OXNAD1: variants seen among roughly 807,000 people sequenced by gnomAD.
The protein encoded by OXNAD1 is oxidoreductase NAD binding domain containing 1, also known as oxidoreductase NAD-binding domain-containing protein 1.
OXNAD1 carries 34 observed loss-of-function variants against 32.9 expected under a neutral mutation model. The observed-to-expected ratio is 1.03, with a 90% CI of 0.79 to 1.38. The LOEUF (loss-of-function observed/expected upper bound fraction) is 1.38. Ranked by LOEUF, OXNAD1 falls within the 40% of genes most tolerant of loss-of-function variation. OXNAD1 has a pLI of 0.00. For synonymous variants in OXNAD1, 134 were observed against 135.2 expected, an observed-to-expected ratio of 0.99 and a Z score of 0.06; for missense variants, 407 against 379.4, an observed-to-expected ratio of 1.07 and a Z score of -0.60.
intron 6 of OXNAD1, among the ~76,000 whole-genome samples, chr3:16,296,950 C>A (rs755985712): frequency 6.6e-6 from 1 of 152,024 alleles, no homozygotes; most frequent in Non-Finnish European, 1.5e-5. Context: ...TTCTTAAACA[C>A]AATACCAAAA....
At chr3:16,326,474 A>AT (rs1274816754) in intron 9 of OXNAD1, among the ~76,000 whole-genome samples, 4 of 152,212 alleles carry the variant, frequency 2.6e-5, no homozygotes, top group Non-Finnish European at 5.9e-5. Flanking sequence ...TAGGTGCTGA[A>AT]TTTCTTTTGC....
In OXNAD1 at chr3:16,320,347, C is replaced by T. The variant is rs889149166; in HGVS notation, c.*30+16755C>T. Among the ~76,000 whole-genome samples, 1 of 152,192 alleles carries T rather than the reference C, an allele frequency of 6.6e-6. No individual in the cohort carries two copies. The highest frequency in any genetic ancestry group is 2.4e-5 in the African/African-American group (1 of 41,436). ...GCTGATTAAAAGAAGACTAAATATG[C>T]CACATCCTCGGTGTGCCAATCTTGC... On this transcript the variant is annotated intron_variant, in intron 9 of 9. Transcript: ENST00000435829. The surrounding 1 kb of genome is among the most constrained non-coding windows in gnomAD (Gnocchi z 4.5).
intron 9 of OXNAD1, among the ~76,000 whole-genome samples, chr3:16,319,219 GCCTA>G (rs1414160412): frequency 6.6e-6 from 1 of 152,194 alleles, no homozygotes; most frequent in African/African-American, 2.4e-5. Flanking sequence ...GACCAGTGAA[GCCTA>G]CCTGTGTAGT....
rs1418822715 is a variant in OXNAD1 at position 16,316,778 on chromosome 3, A to G, written c.*30+13186A>G. 6.2e-7 allele frequency: 1 copy of G among 1,606,888 alleles called. No individual in the cohort carries two copies. Among genetic ancestry groups the G allele is most frequent in the East Asian group, 2.2e-5 (1 of 44,868 alleles). On this transcript the variant is annotated intron_variant, in intron 9 of 9. Coordinates refer to the OXNAD1 transcript ENST00000435829. The surrounding 1 kb of genome is among the most constrained non-coding windows in gnomAD (Gnocchi z 4.5). ...AGCCCCCAAACCAGCTGTTGGTAAG[A>G]TGCCTTGGGTTTGGCAACTCACCTA...
intron 4 of OXNAD1, among the ~76,000 whole-genome samples, chr3:16,282,841 T>TTTTC: frequency 6.7e-6 from 1 of 149,312 alleles, no homozygotes. Flanking sequence ...TTTTTTTTTT[T>TTTTC]TTCGGTGATT....
At chr3:16,283,478 G>A (rs1375100909) in intron 4 of OXNAD1, among the ~76,000 whole-genome samples, 1 of 152,006 alleles carries the variant, frequency 6.6e-6, no homozygotes, top group Non-Finnish European at 1.5e-5. Flanking sequence ...CTGTCTCTTG[G>A]GATATAATAT....
chr3:16,297,566 C>G lies in OXNAD1; in HGVS notation c.432+2569C>G, dbSNP rs777139795. 2.6e-5 allele frequency among the ~76,000 whole-genome samples: 4 copies of G among 152,118 alleles called. No individual in the cohort carries two copies. The highest frequency in any genetic ancestry group is 1.3e-4 in the Admixed American group (2 of 15,276). The stretch of plus-strand genomic sequence containing the variant: ...CATGAATATTTATAGCAGTTCTATT[C>G]ATAATTATTAAAAACTTCTAGAAAC... On this transcript the variant is annotated intron_variant, in intron 6 of 8. Transcript: ENST00000285083. This position sits in a 1 kb window ranked among gnomAD's most constrained non-coding sequence, Gnocchi z 4.3.
chr3:16,266,602 C>CAAAAAAAAA (rs77883979), intron 1 of OXNAD1, among the ~76,000 whole-genome samples: 1 of 73,082 alleles, frequency 1.4e-5, no homozygotes, highest in Non-Finnish European at 2.5e-5. Context: ...GACGCTGTCT[C>CAAAAAAAAA]AAAAAAAAAA....
chr3:16,286,085 G>C (rs189495758), intron 4 of OXNAD1, among the ~76,000 whole-genome samples: 4 of 152,174 alleles, frequency 2.6e-5, no homozygotes, highest in African/African-American at 9.7e-5. Context: ...CCGGTTAAAA[G>C]ATCCCTTGAA....
intron 5 of OXNAD1, among the ~76,000 whole-genome samples, chr3:16,293,040 C>T (rs6783567): frequency 0.044 from 6,627 of 152,218 alleles, 445 homozygotes; most frequent in African/African-American, 0.15. Context: ...TTATGATCAA[C>T]TTGTCAATTT....
chr3:16,283,584 C>T (rs112262871), intron 4 of OXNAD1, among the ~76,000 whole-genome samples: 4,771 of 152,224 alleles, frequency 0.031, 105 homozygotes, highest in Middle Eastern at 0.082. Context: ...GCATTGGCTG[C>T]TGTTACTTAT....
At chr3:16,307,437 G>GAAAC (rs2067640027), downstream of OXNAD1, among the ~76,000 whole-genome samples, 1 of 152,170 alleles carries the variant, frequency 6.6e-6, no homozygotes, top group Admixed American at 6.6e-5. Flanking sequence ...AGGATGGATT[G>GAAAC]GCTAGCTGTG....
Position 16,336,809 on chromosome 3 carries a change from G to A in OXNAD1, c.*31-303G>A, listed in dbSNP as rs937524036. Among the ~76,000 whole-genome samples the A allele has an allele frequency of 2.6e-5, 4 of 152,104 alleles. No individual in the cohort carries two copies. The highest frequency in any genetic ancestry group is 9.7e-5 in the African/African-American group (4 of 41,394). On this transcript the variant is annotated intron_variant, in intron 9 of 9. Transcript: ENST00000435829. The surrounding 1 kb of genome is among the most constrained non-coding windows in gnomAD (Gnocchi z 6.0). Reference sequence around the variant, plus strand: ...ATCTTTGTCTCATTTTCTCTACCAGGTAAGAAAGGCAGCAAACTCAGTAGC... The same window carrying A: ...ATCTTTGTCTCATTTTCTCTACCAGATAAGAAAGGCAGCAAACTCAGTAGC...
At chr3:16,331,780 C>T (rs1434045023) in intron 9 of OXNAD1, among the ~76,000 whole-genome samples, 2 of 152,258 alleles carry the variant, frequency 1.3e-5, no homozygotes, top group Non-Finnish European at 2.9e-5. Flanking sequence ...GTTTCCTTCT[C>T]ATTTTGCAGG....
intron 4 of OXNAD1, among the ~76,000 whole-genome samples, chr3:16,273,188 AAAG>A (rs1263361630): frequency 1.3e-5 from 2 of 152,150 alleles, no homozygotes; most frequent in Admixed American, 6.5e-5. Context: ...TATAAGCAAA[AAAG>A]AATCATCAAG....
chr3:16,328,596 C>T (rs2069970837), intron 9 of OXNAD1, among the ~76,000 whole-genome samples: 1 of 152,236 alleles, frequency 6.6e-6, no homozygotes, highest in Non-Finnish European at 1.5e-5. Context: ...GGGTACTGGT[C>T]TATGTCGGTT....
In OXNAD1 at chr3:16,335,320, A is replaced by C. The variant is rs1476038963; in HGVS notation, c.*31-1792A>C. ...GAGGGGGTGAGCAGAAGATGAACGA[A>C]AATGGGCTGAGTGGGAAGGAATCAG... On this transcript the variant is annotated intron_variant, in intron 9 of 9. Transcript: ENST00000435829. This position sits in a 1 kb window ranked among gnomAD's most constrained non-coding sequence, Gnocchi z 4.7. Among the ~76,000 whole-genome samples the C allele has an allele frequency of 1.3e-5, 2 of 152,264 alleles. No individual in the cohort carries two copies. Among genetic ancestry groups the C allele is most frequent in the East Asian group, 3.9e-4 (2 of 5,164 alleles).
chr3:16,343,741 G>C (rs1048734115), intron 9 of OXNAD1, among the ~76,000 whole-genome samples: 5 of 152,316 alleles, frequency 3.3e-5, no homozygotes, highest in Middle Eastern at 3.4e-3. Context: ...CAACACAAAA[G>C]GAACTAATGT....
At position 16,271,707 on chromosome 3, in the gene OXNAD1, T is replaced by G. The variant is rs1343164947; in HGVS notation, c.168T>G (p.Ser56Arg). The change falls in exon 4 of 9, where the codon AGT becomes AGG. Residue 56 changes from serine to arginine, a missense_variant. Ser to Arg is a moderately radical substitution (Grantham distance 110). Coordinates refer to ENST00000285083, the MANE Select transcript of OXNAD1 (RefSeq NM_138381.5). The surrounding 1 kb of genome is among the most constrained non-coding windows in gnomAD (Gnocchi z 4.6). ...RKTDHMERTASVLRREIVSAA... is the reference protein window; with the variant it reads ...RKTDHMERTARVLRREIVSAA... ...CTGATCACATGGAGAGAACTGCAAG[T>G]GTCCTTCGACGGGAGGTTTGTATCT... 1 of 1,608,212 alleles carries G rather than the reference T, an allele frequency of 6.2e-7. No homozygotes were observed. The highest frequency in any genetic ancestry group is 2.2e-5 in the East Asian group (1 of 44,690).
Sources: allele counts gnomAD v4.1 joint callset (sites outside exome capture counted in the v4.1 genomes callset), GRCh38; gene constraint gnomAD v4.1.1; non-coding constraint Gnocchi (gnomAD v3.1); transcripts MANE v1.5; gene names NCBI Gene and HGNC (gene_info 2026-07-23, HGNC 2026-07-21).